Variants in TMEM178B observed in about 807,000 individuals in gnomAD.
TMEM178B encodes the protein transmembrane protein 178B.
In TMEM178B, 5 loss-of-function variants were observed where a neutral mutation model predicts 31.0. The ratio of observed to expected loss-of-function variants is 0.16; its 90% confidence interval spans 0.08 to 0.34. TMEM178B has a LOEUF of 0.34. Among genes scored for constraint, TMEM178B ranks in the 10% least tolerant of loss-of-function variants. The probability of loss-of-function intolerance (pLI) is 1.00; values close to 1 mark genes in which losing one functional copy is unlikely to be tolerated. For synonymous variants in TMEM178B, 164 were observed against 164.0 expected (o/e 1.00, Z 0.00); for missense variants, 275 against 400.3 (o/e 0.69, Z 2.67).
intron 1 of TMEM178B, among the ~76,000 whole-genome samples, chr7:141,119,497 C>G (rs1795374922): frequency 6.6e-6 from 1 of 152,204 alleles, no homozygotes; most frequent in African/African-American, 2.4e-5. Flanking sequence ...TGTGTACTCT[C>G]TCTGCCTAAT....
chr7:141,388,873 C>T (rs1033936154), intron 2 of TMEM178B, among the ~76,000 whole-genome samples: 3 of 151,836 alleles, frequency 2.0e-5, no homozygotes, highest in African/African-American at 7.3e-5. Flanking sequence ...CCTGGAGCTT[C>T]CTGAAATTTT....
chr7:141,354,178 G>C (rs1321618216), intron 2 of TMEM178B, among the ~76,000 whole-genome samples: 1 of 152,158 alleles, frequency 6.6e-6, no homozygotes, highest in Non-Finnish European at 1.5e-5. Flanking sequence ...TCTGCAACTC[G>C]TAAAGTCTCC....
At chr7:141,463,046 C>G (rs891402080) in intron 3 of TMEM178B, among the ~76,000 whole-genome samples, 4 of 152,194 alleles carry the variant, frequency 2.6e-5, no homozygotes, top group Non-Finnish European at 5.9e-5. Context: ...CTGCAGGGTG[C>G]TGCTGCTTAT....
At chr7:141,399,116 G>A (rs1364337692) in intron 2 of TMEM178B, among the ~76,000 whole-genome samples, 1 of 152,112 alleles carries the variant, frequency 6.6e-6, no homozygotes, top group African/African-American at 2.4e-5. Context: ...TGCTAATTCT[G>A]ACCAGATTTA....
At chr7:141,392,119 A>C (rs1415813639) in intron 2 of TMEM178B, among the ~76,000 whole-genome samples, 4 of 152,154 alleles carry the variant, frequency 2.6e-5, no homozygotes, top group African/African-American at 9.7e-5. Context: ...AGGCATGTAC[A>C]AAAGTTGAAA....
chr7:141,420,002 T>G (rs558455274), intron 2 of TMEM178B, among the ~76,000 whole-genome samples: 59 of 152,278 alleles, frequency 3.9e-4, no homozygotes, highest in Non-Finnish European at 7.9e-4. Flanking sequence ...TGCTGTTCCC[T>G]CTACCTGGAA....
intron 1 of TMEM178B, among the ~76,000 whole-genome samples, chr7:141,210,289 A>G (rs995000730): frequency 6.6e-6 from 1 of 152,060 alleles, no homozygotes; most frequent in Non-Finnish European, 1.5e-5. Flanking sequence ...ACACGGAGAA[A>G]CCCCATCTCT....
chr7:141,416,459 G>T (rs1023367935), intron 2 of TMEM178B: 1 of 152,492 alleles, frequency 6.6e-6, no homozygotes, highest in Non-Finnish European at 1.5e-5. Flanking sequence ...CTTGCCTCTT[G>T]CTCCTTTAGG....
At chr7:141,450,045 T>C (rs1162410306) in intron 3 of TMEM178B, among the ~76,000 whole-genome samples, 1 of 152,192 alleles carries the variant, frequency 6.6e-6, no homozygotes, top group Non-Finnish European at 1.5e-5. Context: ...ACTCACCATG[T>C]CTGAAATAAT....
At position 141,472,465 on chromosome 7, in the gene TMEM178B, G is replaced by A. The variant is rs1802263541; in HGVS notation, c.*1679G>A. On this transcript the variant is annotated 3_prime_UTR_variant, in exon 4 of 4. Transcript: ENST00000565468. Reference sequence around the variant, plus strand: ...CAGCCAGAGAGTTGTGAACGCTGTAGGGGTGGGAGTCTGCTGGAGTGGGCT... The same window carrying A: ...CAGCCAGAGAGTTGTGAACGCTGTAAGGGTGGGAGTCTGCTGGAGTGGGCT... 6.6e-6 allele frequency: 1 copy of A among 152,194 alleles called. No individual in the cohort carries two copies. The allele number at this position is 152,194 out of a possible 1,614,324, so 9.4% of individuals were successfully genotyped here. A position where few individuals can be genotyped will look rare whatever the true frequency, so the allele number is the denominator to read the frequency against.
downstream of TMEM178B, among the ~76,000 whole-genome samples, chr7:141,483,737 T>C (rs1042301291): frequency 8.2e-6 from 1 of 122,042 alleles, no homozygotes; most frequent in Non-Finnish European, 2.1e-5. Flanking sequence ...CTTGCCCTTC[T>C]TCTTTTTTTT....
chr7:141,324,658 C>T (rs138121938), intron 2 of TMEM178B, among the ~76,000 whole-genome samples: 8 of 151,840 alleles, frequency 5.3e-5, no homozygotes, highest in African/African-American at 1.9e-4. Context: ...TTGAGAAATG[C>T]AACTGTTAGA....
intron 2 of TMEM178B, among the ~76,000 whole-genome samples, chr7:141,399,320 A>G (rs1367000885): frequency 6.6e-6 from 1 of 152,200 alleles, no homozygotes; most frequent in East Asian, 1.9e-4. Flanking sequence ...TGACTTGGGT[A>G]ACACTGGAGT....
At chr7:141,310,596 G>A (rs950993302) in intron 2 of TMEM178B, among the ~76,000 whole-genome samples, 1 of 152,052 alleles carries the variant, frequency 6.6e-6, no homozygotes, top group Non-Finnish European at 1.5e-5. Flanking sequence ...CCTTCAACAG[G>A]CCCTGGTGTG....
At chr7:141,278,103 T>G (rs1217705269) in intron 2 of TMEM178B, among the ~76,000 whole-genome samples, 1 of 152,188 alleles carries the variant, frequency 6.6e-6, no homozygotes, top group Non-Finnish European at 1.5e-5. Context: ...TGGGAATATC[T>G]AAGAATTTTA....
At chr7:141,361,728 C>T (rs1290446952) in intron 2 of TMEM178B, among the ~76,000 whole-genome samples, 1 of 152,194 alleles carries the variant, frequency 6.6e-6, no homozygotes, top group Non-Finnish European at 1.5e-5. Context: ...GACACCGAGG[C>T]TGAGTGTTAG....
intron 2 of TMEM178B, among the ~76,000 whole-genome samples, chr7:141,214,273 C>CT (rs1407493712): frequency 6.6e-6 from 1 of 152,136 alleles, no homozygotes; most frequent in African/African-American, 2.4e-5. Context: ...GATTCAGAAT[C>CT]TAAGAAGGAA....
intron 1 of TMEM178B, among the ~76,000 whole-genome samples, chr7:141,086,572 T>A (rs930446562): frequency 1.3e-5 from 2 of 152,186 alleles, no homozygotes; most frequent in African/African-American, 4.8e-5. Context: ...ATTTGCATTG[T>A]ATGCATAAAA....
At chr7:141,377,216 T>C (rs1192354137) in intron 2 of TMEM178B, among the ~76,000 whole-genome samples, 1 of 150,766 alleles carries the variant, frequency 6.6e-6, no homozygotes, top group African/African-American at 2.4e-5. Context: ...GGAGTTTCGC[T>C]CTTGTCACCC....
Sources: allele counts gnomAD v4.1 joint callset (sites outside exome capture counted in the v4.1 genomes callset), GRCh38; gene constraint gnomAD v4.1.1; transcripts MANE v1.5; gene names NCBI Gene and HGNC (gene_info 2026-07-23, HGNC 2026-07-21).